The following GAPVD1 variants were observed in gnomAD, a reference collection of about 807,000 sequenced individuals.
GAPVD1 encodes the protein GTPase-activating protein and VPS9 domain-containing protein 1.
A neutral mutation model predicts 155.5 loss-of-function variants in GAPVD1; 35 were observed. That is an observed-to-expected ratio of 0.23 (90% CI 0.17 to 0.30). The LOEUF (loss-of-function observed/expected upper bound fraction) is 0.30. Ranked by LOEUF, GAPVD1 falls within the 10% of genes least tolerant of loss-of-function variation. The pLI is 1.00. For missense variants in GAPVD1, 1,429 were observed against 1,775.7 expected (o/e 0.80, Z 3.51); for synonymous variants, 636 against 619.7 (o/e 1.03, Z -0.39).
chr9:125,319,894 A>G (rs1844040802), intron 9 of GAPVD1, among the ~76,000 whole-genome samples: 1 of 152,144 alleles, frequency 6.6e-6, no homozygotes, highest in South Asian at 2.1e-4. Context: ...CACCGCTCCC[A>G]GCCAAAAAAC....
At chr9:125,345,700 A>G (rs994076186) in intron 19 of GAPVD1, among the ~76,000 whole-genome samples, 1 of 152,168 alleles carries the variant, frequency 6.6e-6, no homozygotes, top group Non-Finnish European at 1.5e-5. Context: ...TGAGGATGAT[A>G]ACAACGTTTC....
chr9:125,329,847 A>G (rs1174725813), intron 12 of GAPVD1, among the ~76,000 whole-genome samples: 3 of 151,850 alleles, frequency 2.0e-5, no homozygotes, highest in Non-Finnish European at 4.4e-5. Flanking sequence ...ATACCTGGCT[A>G]ATTTTTGTAT....
chr9:125,344,960 A>C (rs965778988), intron 19 of GAPVD1, among the ~76,000 whole-genome samples: 1 of 152,122 alleles, frequency 6.6e-6, no homozygotes, highest in African/African-American at 2.4e-5. Context: ...AAAAATACTA[A>C]ATTACTTTGG....
At chr9:125,290,023 C>T (rs902574114) in intron 2 of GAPVD1, among the ~76,000 whole-genome samples, 6 of 152,142 alleles carry the variant, frequency 3.9e-5, no homozygotes, top group African/African-American at 1.4e-4. Context: ...TCAACCATCT[C>T]AAATGCTTCT....
At chr9:125,271,644 G>A (rs761961162) in intron 2 of GAPVD1, among the ~76,000 whole-genome samples, 6 of 151,872 alleles carry the variant, frequency 4.0e-5, no homozygotes, top group Admixed American at 2.0e-4. Flanking sequence ...TCTGCCTCCC[G>A]GGTTCAAGCG....
Position 125,363,830 on chromosome 9 carries a change from G to GA in GAPVD1, c.*1091dup, listed in dbSNP as rs374257097. On this transcript the variant is annotated 3_prime_UTR_variant, in exon 28 of 28. Transcript: ENST00000297933. ...TTTAATCAACCATACTATTCTTATG[G>GA]AAAAAAATATCTATTTTGGCAGGTT... is the stretch of plus-strand genomic sequence containing the variant. 17 of 152,426 alleles carry GA rather than the reference G, an allele frequency of 1.1e-4. No homozygotes were observed. The highest frequency in any genetic ancestry group is 4.1e-4 in the African/African-American group (17 of 41,378). 9.4% of individuals were successfully genotyped at this position (152,426 alleles called of 1,614,324 possible).
intron 1 of GAPVD1, among the ~76,000 whole-genome samples, chr9:125,266,319 A>AT (rs796186675): frequency 7.7e-5 from 11 of 143,524 alleles, no homozygotes; most frequent in East Asian, 4.0e-4. Flanking sequence ...ATTTTATTTT[A>AT]TTTTTTTTTT....
chr9:125,290,102 T>A (rs981049698), intron 2 of GAPVD1, among the ~76,000 whole-genome samples: 7 of 152,138 alleles, frequency 4.6e-5, no homozygotes, highest in African/African-American at 1.7e-4. Flanking sequence ...TGAACACTAG[T>A]AGTTTTGAGT....
chr9:125,265,846 G>A (rs1400326004), intron 1 of GAPVD1, among the ~76,000 whole-genome samples: 1 of 146,384 alleles, frequency 6.8e-6, no homozygotes, highest in African/African-American at 2.5e-5. Context: ...GGCCACTTGA[G>A]TCCTTGAACC....
At chr9:125,354,998 A>G (rs926583382) in intron 24 of GAPVD1, among the ~76,000 whole-genome samples, 157 bp downstream of exon 24, 1 of 152,212 alleles carries the variant, frequency 6.6e-6, no homozygotes, top group Non-Finnish European at 1.5e-5. Context: ...TTGATGTCAA[A>G]CCAATAAATT....
chr9:125,353,496 G>A (rs1849597692), intron 23 of GAPVD1, among the ~76,000 whole-genome samples: 1 of 152,130 alleles, frequency 6.6e-6, no homozygotes, highest in African/African-American at 2.4e-5. Flanking sequence ...ACATTTTCGG[G>A]TGTCTTTTTA....
At chr9:125,361,406 C>T (rs1050981139) in intron 27 of GAPVD1, among the ~76,000 whole-genome samples, 4 of 151,898 alleles carry the variant, frequency 2.6e-5, no homozygotes, top group African/African-American at 4.8e-5. Flanking sequence ...CTCCTGTAAT[C>T]GCAGCTACTT....
At chr9:125,326,243 C>T (rs1207328966) in intron 11 of GAPVD1, among the ~76,000 whole-genome samples, 173 bp from the exon 12 acceptor site, 1 of 152,184 alleles carries the variant, frequency 6.6e-6, no homozygotes, top group Non-Finnish European at 1.5e-5. Flanking sequence ...ATAGGCCAGG[C>T]ACAGTGGCTC....
rs1336499929 is a variant in GAPVD1 at position 125,302,261 on chromosome 9, A to T, written c.464A>T (p.Tyr155Phe). The change falls in exon 5 of 28, where the codon TAC (tyrosine) becomes TTC (phenylalanine). Residue 155 changes from tyrosine to phenylalanine, a missense_variant. Physicochemically the swap from Tyr to Phe is conservative, Grantham distance 22. Around this residue, in one of 4 missense-constraint regions of GAPVD1, gnomAD observed 628 missense variants for 733.4 expected, o/e 0.86. Transcript: ENST00000297933. ...AGCTACCTCCTTCAGGTTTTGCGATACTTGATTGAATTTGAACTTAAAGAA... is the reference window on the plus strand; with the variant it reads ...AGCTACCTCCTTCAGGTTTTGCGATTCTTGATTGAATTTGAACTTAAAGAA... ...DESYLLQVLRYLIEFELKESD... is the reference protein window; with the variant it reads ...DESYLLQVLRFLIEFELKESD... 2.5e-6 allele frequency: 4 copies of T among 1,614,000 alleles called. No individual in the cohort carries two copies. In the African/African-American group the frequency reaches 4.0e-5, roughly 16 times the overall value.
chr9:125,361,478 C>A (rs1000981459), intron 27 of GAPVD1, among the ~76,000 whole-genome samples: 1 of 150,050 alleles, frequency 6.7e-6, no homozygotes, highest in Non-Finnish European at 1.5e-5. Context: ...GAGCCGAGAT[C>A]ACACTGCTGC....
At chr9:125,349,698 T>G (rs1436941377) in intron 21 of GAPVD1, among the ~76,000 whole-genome samples, 179 bp downstream of exon 21, 2 of 152,036 alleles carry the variant, frequency 1.3e-5, no homozygotes, top group African/African-American at 4.8e-5. Context: ...AAGGTGTTAA[T>G]TCAAGGATTT....
At chr9:125,355,941 A>C in intron 25 of GAPVD1, 84 bp downstream of exon 25, 1 of 756,688 alleles carries the variant, frequency 1.3e-6, no homozygotes, top group Non-Finnish European at 2.4e-6. Context: ...CTATACGTGT[A>C]ACTTAGTGTC....
chr9:125,310,902 C>T (rs1042970615), intron 8 of GAPVD1, among the ~76,000 whole-genome samples: 1 of 145,038 alleles, frequency 6.9e-6, no homozygotes, highest in Non-Finnish European at 1.5e-5. Context: ...TGCAATACTG[C>T]GATCTCGGCT....
At chr9:125,329,654 A>G (rs2131743366) in intron 12 of GAPVD1, among the ~76,000 whole-genome samples, 2 of 146,374 alleles carry the variant, frequency 1.4e-5, no homozygotes, top group South Asian at 4.3e-4. Context: ...TTTTTTTGAG[A>G]CAAAGTCCCA....
Sources: allele counts gnomAD v4.1 joint callset (sites outside exome capture counted in the v4.1 genomes callset), GRCh38; gene constraint gnomAD v4.1.1; regional missense constraint gnomAD v4.1.1; transcripts MANE v1.5; gene names NCBI Gene and HGNC (gene_info 2026-07-23, HGNC 2026-07-21).